SRGAP3: variants seen among roughly 807,000 people sequenced by gnomAD.
SRGAP3 encodes the protein SLIT-ROBO Rho GTPase-activating protein 3.
A neutral mutation model predicts 121.1 loss-of-function variants in SRGAP3; 39 were observed. The ratio of observed to expected loss-of-function variants is 0.32; its 90% CI spans 0.25 to 0.42. The LOEUF is 0.42. Ranked by LOEUF, SRGAP3 falls within the 10% of genes least tolerant of loss-of-function variation. SRGAP3 has a pLI of 1.00. For missense variants in SRGAP3, 1,213 were observed against 1,470.6 expected (o/e 0.82, Z 2.86); for synonymous variants, 601 against 570.0 (o/e 1.05, Z -0.77).
chr3:9,048,966 A>C (rs1297383140), intron 9 of SRGAP3, among the ~76,000 whole-genome samples: 1 of 152,216 alleles, frequency 6.6e-6, no homozygotes, highest in African/African-American at 2.4e-5. Context: ...GAGGTTTACA[A>C]GCAAGGGGTA....
intron 3 of SRGAP3, among the ~76,000 whole-genome samples, chr3:9,294,737 T>TGTGTGTGTGG (rs1163839966): frequency 6.6e-6 from 1 of 151,546 alleles, no homozygotes; most frequent in Non-Finnish European, 1.5e-5. Context: ...TGTGTGTGTG[T>TGTGTGTGTGG]GTGTTTGGGA....
intron 3 of SRGAP3, among the ~76,000 whole-genome samples, chr3:9,279,425 T>C (rs2125264465): frequency 1.3e-5 from 2 of 152,012 alleles, no homozygotes; most frequent in East Asian, 3.9e-4. Flanking sequence ...ATTATGACCA[T>C]GGCAGAGGAG....
intron 12 of SRGAP3, among the ~76,000 whole-genome samples, chr3:9,028,832 GA>G (rs1311154032): frequency 6.6e-6 from 1 of 152,200 alleles, no homozygotes; most frequent in Admixed American, 6.5e-5. Context: ...AAAAGCTGAG[GA>G]AGGCCTGGAG....
intron 17 of SRGAP3, among the ~76,000 whole-genome samples, chr3:9,011,324 C>G (rs1200654635): frequency 1.3e-5 from 2 of 152,190 alleles, no homozygotes; most frequent in African/African-American, 4.8e-5. Flanking sequence ...TTGACATTTG[C>G]AATGCCATTT....
chr3:9,058,703 T>G, intron 6 of SRGAP3: 1 of 508,764 alleles, frequency 2.0e-6, no homozygotes, highest in Non-Finnish European at 3.5e-6. Context: ...ATTCACCATC[T>G]TTCTCTCTCT....
chr3:9,136,967 T>G (rs184068627), intron 1 of SRGAP3, among the ~76,000 whole-genome samples: 10 of 152,358 alleles, frequency 6.6e-5, no homozygotes, highest in African/African-American at 2.4e-4. Flanking sequence ...GGGCCTTGGT[T>G]TTCCCATCTG....
chr3:8,981,086 G>A lies in SRGAP3; in HGVS notation c.*4433C>T, dbSNP rs1198659937. The A allele has an allele frequency of 1.3e-5, 3 of 233,000 alleles. No homozygotes were observed. Among genetic ancestry groups the A allele is most frequent in the East Asian group, 1.2e-4 (2 of 16,546 alleles). The allele number at this position is 233,000 out of a possible 1,614,324, so 14.4% of individuals were successfully genotyped here. ...GATGGCCATGTGGCCAGTCCCAGAG[G>A]GACAGCAGGACACTGGCAGATCAAT... On this transcript the variant is annotated 3_prime_UTR_variant, in exon 22 of 22. Coordinates refer to ENST00000383836, the MANE Select transcript of SRGAP3 (RefSeq NM_014850.4).
In SRGAP3 at chr3:9,249,000, T is replaced by C. The variant is rs1953923426; in HGVS notation, c.-49A>G. On this transcript the variant is annotated 5_prime_UTR_variant, in exon 1 of 22. Coordinates refer to ENST00000383836, the MANE Select transcript of SRGAP3 (RefSeq NM_014850.4). ...GACAGGCTGTTTGATTTATTTCTCC[T>C]TTTCTTTTCGAGTCCTCTCTCAAGC... 2.5e-6 allele frequency: 4 copies of C among 1,588,960 alleles called. No individual in the cohort carries two copies. In the East Asian group the frequency reaches 8.9e-5, roughly 35 times the overall value.
chr3:9,080,109 G>A, intron 3 of SRGAP3, 22 bp from the exon 4 acceptor site: 1 of 1,613,932 alleles, frequency 6.2e-7, no homozygotes, highest in Non-Finnish European at 8.5e-7. Context: ...AAGAACAAAT[G>A]TCAGCGGGGG....
intron 3 of SRGAP3, among the ~76,000 whole-genome samples, chr3:9,287,461 A>G (rs887589056): frequency 8.5e-5 from 13 of 152,348 alleles, no homozygotes; most frequent in East Asian, 3.9e-4. Context: ...TGTTGCATAT[A>G]TAATCCTACA....
Position 9,049,740 on chromosome 3 carries a change from G to A in SRGAP3, c.1324-2265C>T, listed in dbSNP as rs146343880. ...AGGCCCAGAAGTGTTCACAATTCCA[G>A]TTGCCCATCTTGGGAGAGTGGTGGT... On this transcript the variant is annotated intron_variant, in intron 9 of 21. Coordinates refer to ENST00000383836, the MANE Select transcript of SRGAP3 (RefSeq NM_014850.4). Among the ~76,000 whole-genome samples the A allele has an allele frequency of 5.3e-5, 8 of 151,366 alleles. No individual in the cohort carries two copies. The East Asian group carries it at 1.4e-3, about 26-fold the overall frequency.
intron 1 of SRGAP3, among the ~76,000 whole-genome samples, chr3:9,141,555 T>G (rs548276817): frequency 0.019 from 257 of 13,376 alleles, 4 homozygotes; most frequent in African/African-American, 0.038. Context: ...ACTTCAGGGG[T>G]GTGTGTGTGT....
chr3:9,248,702 T>A (rs1481315035), intron 1 of SRGAP3, among the ~76,000 whole-genome samples, 183 bp downstream of exon 1: 4 of 152,094 alleles, frequency 2.6e-5, no homozygotes, highest in African/African-American at 4.8e-5. Context: ...GCCCCAGCGC[T>A]ATCTGCAGTT....
intron 1 of SRGAP3, among the ~76,000 whole-genome samples, chr3:9,200,353 A>G (rs1490757936): frequency 6.6e-6 from 1 of 152,208 alleles, no homozygotes; most frequent in Non-Finnish European, 1.5e-5. Context: ...TCATTCACTC[A>G]ATATGTATTT....
chr3:9,173,776 T>C (rs769136098), intron 1 of SRGAP3, among the ~76,000 whole-genome samples: 1 of 150,536 alleles, frequency 6.6e-6, no homozygotes, highest in Non-Finnish European at 1.5e-5. Context: ...CCTGCCATAA[T>C]TCTCTCCCCG....
intron 2 of SRGAP3, among the ~76,000 whole-genome samples, chr3:9,327,161 G>A (rs2596931): frequency 0.97 from 146,836 of 151,882 alleles, 71,074 homozygotes; most frequent in East Asian, 1. Context: ...CAGTTTTACC[G>A]TAAGGTAAGA....
intron 1 of SRGAP3, among the ~76,000 whole-genome samples, chr3:9,157,618 A>T (rs931294966): frequency 6.6e-6 from 1 of 152,202 alleles, no homozygotes; most frequent in Admixed American, 6.5e-5. Context: ...CAAGGCCCAC[A>T]GTTGGTAACG....
chr3:9,112,369 G>A (rs1948659901), intron 2 of SRGAP3, among the ~76,000 whole-genome samples: 1 of 152,184 alleles, frequency 6.6e-6, no homozygotes, highest in African/African-American at 2.4e-5. Context: ...CCCCAAGCAG[G>A]ATTCAGCATT....
Position 9,278,222 on chromosome 3 carries a change from C to A in SRGAP3, n.442+47788G>T, listed in dbSNP as rs556209673. On this transcript the variant is annotated intron_variant and non_coding_transcript_variant, in intron 3 of 3. Transcript: ENST00000490889. Reference sequence around the variant, plus strand: ...ACTTGAGTCTGTTTGATCACCAGGCCTCAGGCCCTTTCCATTGTGTCAGGC... The same window carrying A: ...ACTTGAGTCTGTTTGATCACCAGGCATCAGGCCCTTTCCATTGTGTCAGGC... 6.6e-5 allele frequency among the ~76,000 whole-genome samples: 10 copies of A among 152,310 alleles called. No homozygotes were observed. In the South Asian group the frequency reaches 2.1e-3, roughly 32 times the overall value.
Sources: gnomAD v4.1 joint callset for allele counts (sites outside exome capture counted in the v4.1 genomes callset) on GRCh38, gnomAD v4.1.1 for gene constraint, MANE v1.5 for transcripts, NCBI Gene and HGNC (gene_info 2026-07-23, HGNC 2026-07-21) for gene names.